The following PTPRT variants were observed in gnomAD, a reference collection of about 807,000 sequenced individuals.
PTPRT encodes the protein receptor-type tyrosine-protein phosphatase T.
Under a neutral mutation model 176.8 loss-of-function variants are expected in PTPRT, and 56 were observed. The observed-to-expected ratio is 0.32, with a 90% confidence interval of 0.26 to 0.40. PTPRT has a LOEUF of 0.40. Ranked by LOEUF, PTPRT falls within the 10% of genes least tolerant of loss-of-function variation. The pLI is 1.00. For synonymous variants in PTPRT, 783 were observed against 739.0 expected (o/e 1.06, Z -0.96); for missense variants, 1,540 against 1,908.2 (o/e 0.81, Z 3.60).
At chr20:42,400,006 A>C (rs2058889909) in intron 9 of PTPRT, among the ~76,000 whole-genome samples, 1 of 152,230 alleles carries the variant, frequency 6.6e-6, no homozygotes, top group South Asian at 2.1e-4. Flanking sequence ...CATTCCAGGC[A>C]GACAAGAAAA....
intron 7 of PTPRT, among the ~76,000 whole-genome samples, chr20:42,583,614 A>T (rs2073417664): frequency 6.6e-6 from 1 of 152,124 alleles, no homozygotes; most frequent in Non-Finnish European, 1.5e-5. Flanking sequence ...TCCCCCACAC[A>T]CACACATACA....
At chr20:43,040,196 T>C (rs757322875) in intron 1 of PTPRT, among the ~76,000 whole-genome samples, 1 of 152,186 alleles carries the variant, frequency 6.6e-6, no homozygotes, top group African/African-American at 2.4e-5. Context: ...ACCTCACTAA[T>C]AACTGAATGC....
intron 1 of PTPRT, among the ~76,000 whole-genome samples, chr20:43,163,132 A>G (rs1409319263): frequency 6.6e-6 from 1 of 152,214 alleles, no homozygotes; most frequent in Non-Finnish European, 1.5e-5. Context: ...ATCCTTACAA[A>G]AGTTTGCCCT....
At chr20:43,163,195 T>G (rs2014747221) in intron 1 of PTPRT, among the ~76,000 whole-genome samples, 1 of 152,236 alleles carries the variant, frequency 6.6e-6, no homozygotes, top group South Asian at 2.1e-4. Context: ...TAAACATCTG[T>G]GGTCAACAAT....
chr20:42,825,242 A>C (rs1286857398), intron 2 of PTPRT, among the ~76,000 whole-genome samples: 2 of 152,148 alleles, frequency 1.3e-5, no homozygotes, highest in Non-Finnish European at 2.9e-5. Context: ...GAATAATCCC[A>C]ATCTAGAAGA....
Position 43,180,965 on chromosome 20 carries a change from TAGGTTACAA to T in PTPRT, c.88+8672_88+8680del, listed in dbSNP as rs2015243281. On this transcript the variant is annotated intron_variant, in intron 1 of 30. Coordinates refer to ENST00000373187, the MANE Select transcript of PTPRT (RefSeq NM_007050.6). ...AGTGATGTGATGTCCCTTCCCAAAT[TAGGTTACAA>T]AGGACTGTGACTTCCATCTTGCTCA... Among the ~76,000 whole-genome samples the T allele has an allele frequency of 7.2e-5, 11 of 152,196 alleles. 1 individual carries two copies. The South Asian group carries it at 2.3e-3, about 32-fold the overall frequency.
chr20:42,358,507 T>C (rs1054435351), intron 9 of PTPRT, among the ~76,000 whole-genome samples: 3 of 152,132 alleles, frequency 2.0e-5, no homozygotes, highest in Non-Finnish European at 4.4e-5. Flanking sequence ...CTTATGAGCA[T>C]GTAACAGAGA....
At chr20:42,422,529 C>T (rs545680609) in intron 9 of PTPRT, among the ~76,000 whole-genome samples, 32 of 152,082 alleles carry the variant, frequency 2.1e-4, no homozygotes, top group Non-Finnish European at 4.1e-4. Context: ...ATGGTTACTA[C>T]TAAAAAGTCA....
Position 42,539,361 on chromosome 20 carries a change from C to CTT in PTPRT, c.1154-66801_1154-66800dup, listed in dbSNP as rs71193665. 5.2e-3 allele frequency among the ~76,000 whole-genome samples: 698 copies of CTT among 134,184 alleles called. 25 individuals are homozygous for CTT. The South Asian group carries it at 0.11, about 20-fold the overall frequency. The allele number at this position is 134,184 out of a possible 152,430, so 88.0% of individuals were successfully genotyped here. On this transcript the variant is annotated intron_variant, in intron 7 of 30. Transcript: ENST00000373187. ...TTACAAAAGTGGAGGATCACCATCA[C>CTT]TTTTTTTTTTTTTTTTTGTGGTAAT...
Position 42,106,806 on chromosome 20 carries a change from C to A in PTPRT, c.3370G>T (p.Val1124Phe). The A allele has an allele frequency of 6.2e-7, 1 of 1,614,126 alleles. No homozygotes were observed. The highest frequency in any genetic ancestry group is 8.5e-7 in the Non-Finnish European group (1 of 1,179,996). The change falls in exon 24 of 31, where the codon GTC becomes TTC. Residue 1124 changes from valine (V) to phenylalanine (F), a missense_variant. Physicochemically the swap from Val to Phe is conservative, Grantham distance 50 (BLOSUM62 -1). Coordinates refer to ENST00000373187, the MANE Select transcript of PTPRT (RefSeq NM_007050.6). ...NCVRELRAQR[V>F]NLVQTEEQYV... ...CTCACCTCTGTCTGTACCAGGTTGA[C>A]CCTTTGGGCCCGGAGCTCACGCACG...
At chr20:42,703,219 CAGAG>C (rs145647107) in intron 6 of PTPRT, among the ~76,000 whole-genome samples, 1 of 150,148 alleles carries the variant, frequency 6.7e-6, no homozygotes, top group Non-Finnish European at 1.5e-5. Context: ...AAGAGAGACA[CAGAG>C]AGAGAGAGAG....
intron 6 of PTPRT, among the ~76,000 whole-genome samples, chr20:42,734,347 A>G (rs2076506242): frequency 6.6e-6 from 1 of 152,168 alleles, no homozygotes. Context: ...TAGCCCTTCC[A>G]ATCACCAGCA....
chr20:42,406,345 G>A (rs2142795), intron 9 of PTPRT, among the ~76,000 whole-genome samples: 124,977 of 151,868 alleles, frequency 0.82, 51,661 homozygotes, highest in Admixed American at 0.86. Context: ...GAGAAAGGTG[G>A]TATAACCATA....
chr20:42,410,885 G>A (rs553323354), intron 9 of PTPRT, among the ~76,000 whole-genome samples: 8 of 152,176 alleles, frequency 5.3e-5, no homozygotes, highest in South Asian at 2.1e-4. Flanking sequence ...AAACTAAAAC[G>A]CATCATGTCA....
intron 9 of PTPRT, among the ~76,000 whole-genome samples, chr20:42,407,119 C>T (rs891686232): frequency 3.5e-4 from 53 of 152,136 alleles, no homozygotes; most frequent in Admixed American, 3.4e-3. Context: ...AGACTATGGG[C>T]GTACCAATCA....
chr20:42,608,605 G>A (rs2073922936), intron 7 of PTPRT, among the ~76,000 whole-genome samples: 1 of 152,200 alleles, frequency 6.6e-6, no homozygotes, highest in Admixed American at 6.5e-5. Context: ...AGCCAGGGGA[G>A]ATTTGGATGC....
At chr20:42,855,890 C>T (rs1266083987) in intron 2 of PTPRT, among the ~76,000 whole-genome samples, 1 of 152,166 alleles carries the variant, frequency 6.6e-6, no homozygotes, top group African/African-American at 2.4e-5. Flanking sequence ...TGGATTGACT[C>T]CTTCCCTAAA....
Position 42,756,229 on chromosome 20 carries a change from C to T in PTPRT, c.859+233G>A, listed in dbSNP as rs542132731. On this transcript the variant is annotated intron_variant, in intron 6 of 30. Coordinates refer to ENST00000373187, the MANE Select transcript of PTPRT (RefSeq NM_007050.6). ...GTGTTATATATTCCACAGTCTTTCA[C>T]GTATGGCTCTTGTATGTGAGACTCA... 2.6e-4 allele frequency among the ~76,000 whole-genome samples: 40 copies of T among 152,304 alleles called. 1 individual carries two copies. Among genetic ancestry groups the T allele is most frequent in the Non-Finnish European group, 5.1e-4 (35 of 68,028 alleles).
At chr20:42,851,290 A>G (rs757377576) in intron 2 of PTPRT, among the ~76,000 whole-genome samples, 1 of 152,192 alleles carries the variant, frequency 6.6e-6, no homozygotes, top group Non-Finnish European at 1.5e-5. Flanking sequence ...TTCTATCAAA[A>G]GTATCTAAAG....
Sources: gnomAD v4.1 joint callset for allele counts (sites outside exome capture counted in the v4.1 genomes callset) on GRCh38, gnomAD v4.1.1 for gene constraint, MANE v1.5 for transcripts, NCBI Gene and HGNC (gene_info 2026-07-23, HGNC 2026-07-21) for gene names.